The following PTPRD variants were observed in gnomAD, a reference collection of about 807,000 sequenced individuals.
PTPRD encodes the protein protein tyrosine phosphatase receptor type D, also known as receptor-type tyrosine-protein phosphatase delta.
In PTPRD, 34 loss-of-function variants were observed where a neutral mutation model predicts 214.5. That is an observed-to-expected ratio of 0.16 (90% CI 0.12 to 0.21). The LOEUF is 0.21. Among genes scored for constraint, PTPRD ranks in the 10% least tolerant of loss-of-function variants. The pLI, the probability that PTPRD is intolerant of heterozygous loss-of-function variation, is 1.00. For synonymous variants in PTPRD, 1,128 were observed against 845.7 expected (o/e 1.33, Z -5.79); for missense variants, 2,545 against 2,398.7 (o/e 1.06, Z -1.27).
At chr9:9,409,054 T>C (rs149117775) in intron 8 of PTPRD, among the ~76,000 whole-genome samples, 1 of 152,120 alleles carries the variant, frequency 6.6e-6, no homozygotes, top group African/African-American at 2.4e-5. Flanking sequence ...AGTATAACTT[T>C]TCTGAAATGT....
intron 11 of PTPRD, among the ~76,000 whole-genome samples, chr9:8,748,052 G>A (rs956416873): frequency 6.6e-6 from 1 of 152,234 alleles, no homozygotes; most frequent in Non-Finnish European, 1.5e-5. Flanking sequence ...CCCATGCTCC[G>A]ATGTTAACGA....
intron 11 of PTPRD, among the ~76,000 whole-genome samples, chr9:8,975,924 G>T (rs908770670): frequency 6.6e-6 from 1 of 151,766 alleles, no homozygotes; most frequent in Non-Finnish European, 1.5e-5. Context: ...TTCATTGGTT[G>T]CTTAATAATA....
chr9:10,434,629 C>A (rs756727552), intron 2 of PTPRD, among the ~76,000 whole-genome samples: 6 of 151,892 alleles, frequency 4.0e-5, no homozygotes, highest in Non-Finnish European at 8.8e-5. Flanking sequence ...AGAGTCACAA[C>A]AAAGCCTATA....
At chr9:10,432,868 A>C (rs996114995) in intron 2 of PTPRD, among the ~76,000 whole-genome samples, 4 of 151,834 alleles carry the variant, frequency 2.6e-5, no homozygotes, top group African/African-American at 9.7e-5. Context: ...TTCATACCTC[A>C]TTATTTTTGC....
intron 5 of PTPRD, chr9:9,800,434 C>T (rs2099031708): frequency 1.3e-5 from 2 of 152,116 alleles, no homozygotes. Context: ...AGAAAAGGGA[C>T]TAGTGTGATC....
At chr9:9,494,150 T>C (rs773582173) in intron 8 of PTPRD, among the ~76,000 whole-genome samples, 2 of 152,170 alleles carry the variant, frequency 1.3e-5, no homozygotes, top group Non-Finnish European at 2.9e-5. Context: ...CTTGAATACA[T>C]GAGGAGTTGC....
intron 11 of PTPRD, among the ~76,000 whole-genome samples, chr9:8,898,663 G>A (rs12551769): frequency 0.1 from 15,794 of 152,014 alleles, 1,145 homozygotes; most frequent in East Asian, 0.24. Flanking sequence ...GACTTGGCAC[G>A]AATAAGATCT....
At chr9:8,713,921 G>A (rs2098400832) in intron 12 of PTPRD, 7 of 724,956 alleles carry the variant, frequency 9.7e-6, no homozygotes, top group South Asian at 9.0e-5. Flanking sequence ...TTTATCCACT[G>A]ACGCATAACT....
intron 4 of PTPRD, among the ~76,000 whole-genome samples, chr9:9,947,179 T>A (rs1054080464): frequency 2.7e-5 from 4 of 146,802 alleles, no homozygotes; most frequent in African/African-American, 1.0e-4. Context: ...AATGAGTAGT[T>A]CAGCTATACA....
chr9:8,446,665 G>A (rs990695744), intron 34 of PTPRD, among the ~76,000 whole-genome samples: 5 of 152,078 alleles, frequency 3.3e-5, no homozygotes, highest in Admixed American at 1.3e-4. Context: ...GCGTTATAAT[G>A]TTTGGGGATA....
intron 7 of PTPRD, among the ~76,000 whole-genome samples, chr9:9,669,644 T>C (rs891473592): frequency 6.6e-6 from 1 of 152,188 alleles, no homozygotes; most frequent in African/African-American, 2.4e-5. Context: ...AAAATCTATA[T>C]ATTTGTCTTT....
intron 5 of PTPRD, among the ~76,000 whole-genome samples, chr9:9,827,945 C>T (rs1386050727): frequency 1.3e-5 from 2 of 152,074 alleles, no homozygotes; most frequent in Non-Finnish European, 2.9e-5. Context: ...AAATCAAAAC[C>T]ACAATGAGAT....
intron 5 of PTPRD, among the ~76,000 whole-genome samples, chr9:9,931,798 C>T (rs895860438): frequency 4.0e-5 from 6 of 151,668 alleles, no homozygotes; most frequent in African/African-American, 1.5e-4. Flanking sequence ...AAAAAGACAG[C>T]AGTAACCTCT....
intron 3 of PTPRD, among the ~76,000 whole-genome samples, chr9:10,245,808 G>C (rs1464094706): frequency 1.3e-5 from 2 of 152,184 alleles, no homozygotes; most frequent in South Asian, 4.2e-4. Flanking sequence ...AATATATGAA[G>C]GGTGCAAGCT....
intron 4 of PTPRD, among the ~76,000 whole-genome samples, chr9:9,979,078 G>C (rs1351732397): frequency 1.3e-5 from 2 of 151,970 alleles, no homozygotes; most frequent in South Asian, 4.2e-4. Context: ...ATAGTTTTCA[G>C]ACAAAACTAA....
intron 3 of PTPRD, among the ~76,000 whole-genome samples, chr9:10,328,759 TG>T (rs1220950846): frequency 6.6e-6 from 1 of 151,814 alleles, no homozygotes; most frequent in Non-Finnish European, 1.5e-5. Flanking sequence ...AGAGGAAACA[TG>T]AAGACAGAAG....
At chr9:9,925,647 T>TACCTACCTG (rs1447672174) in intron 5 of PTPRD, among the ~76,000 whole-genome samples, 2 of 152,092 alleles carry the variant, frequency 1.3e-5, no homozygotes, top group Non-Finnish European at 2.9e-5. Context: ...TCTTCTACCT[T>TACCTACCTG]ACCTACCTGC....
At chr9:8,478,463 T>C (rs914582956) in intron 30 of PTPRD, among the ~76,000 whole-genome samples, 1 of 152,126 alleles carries the variant, frequency 6.6e-6, no homozygotes, top group African/African-American at 2.4e-5. Context: ...CATAAAACGG[T>C]TGTTATAAAA....
chr9:8,369,055 A>G (rs2134267913), intron 39 of PTPRD, among the ~76,000 whole-genome samples: 1 of 152,268 alleles, frequency 6.6e-6, no homozygotes, highest in South Asian at 2.1e-4. Flanking sequence ...AGGTTTAAGG[A>G]AAACATGGGT....
Sources: allele counts gnomAD v4.1 joint callset (sites outside exome capture counted in the v4.1 genomes callset), GRCh38; gene constraint gnomAD v4.1.1; transcripts MANE v1.5; gene names NCBI Gene and HGNC (gene_info 2026-07-23, HGNC 2026-07-21).